The following ROBO2 variants were observed in gnomAD, a reference collection of about 807,000 sequenced individuals.
ROBO2 encodes roundabout homolog 2.
In ROBO2, 53 loss-of-function variants were observed where a neutral mutation model predicts 160.8. That is an observed-to-expected ratio of 0.33 (90% CI 0.26 to 0.41). The LOEUF (loss-of-function observed/expected upper bound fraction) is 0.41. Among genes scored for constraint, ROBO2 ranks in the 10% least tolerant of loss-of-function variants. The pLI, the probability that ROBO2 is intolerant of heterozygous loss-of-function variation, is 1.00. For missense variants in ROBO2, 1,577 were observed against 1,722.4 expected (o/e 0.92, Z 1.49); for synonymous variants, 664 against 611.7 (o/e 1.09, Z -1.26).
At chr3:77,532,715 A>G (rs972199847) in intron 6 of ROBO2, among the ~76,000 whole-genome samples, 21 of 151,870 alleles carry the variant, frequency 1.4e-4, no homozygotes, top group Admixed American at 2.6e-4. Flanking sequence ...TCTAAAATAT[A>G]TTCTAATTTT....
intron 2 of ROBO2, among the ~76,000 whole-genome samples, chr3:76,375,199 A>G (rs2076285081): frequency 6.6e-6 from 1 of 151,976 alleles, no homozygotes. Context: ...GAGTTACCTT[A>G]AATTTGGCAT....
At chr3:76,116,681 T>C (rs1224817921) in intron 2 of ROBO2, among the ~76,000 whole-genome samples, 2 of 152,160 alleles carry the variant, frequency 1.3e-5, no homozygotes, top group African/African-American at 4.8e-5. Context: ...TATGCTGGCA[T>C]TTTATCTTAA....
At chr3:77,275,028 T>C (rs1221688062) in intron 2 of ROBO2, among the ~76,000 whole-genome samples, 1 of 152,132 alleles carries the variant, frequency 6.6e-6, no homozygotes, top group Non-Finnish European at 1.5e-5. Flanking sequence ...CTAATACATC[T>C]CTTAGATTCA....
intron 2 of ROBO2, among the ~76,000 whole-genome samples, chr3:77,343,137 A>G (rs986119938): frequency 2.6e-5 from 4 of 151,938 alleles, no homozygotes; most frequent in Admixed American, 2.6e-4. Flanking sequence ...TGCTCTTATG[A>G]CCTCATTTAG....
At chr3:77,633,471 T>C (rs1469992442) in intron 23 of ROBO2, 1 of 152,178 alleles carries the variant, frequency 6.6e-6, no homozygotes, top group African/African-American at 2.4e-5. Context: ...AATTCTTAAC[T>C]ATACATATAA....
intron 6 of ROBO2, among the ~76,000 whole-genome samples, chr3:77,544,720 T>C (rs2092630300): frequency 6.6e-6 from 1 of 152,118 alleles, no homozygotes; most frequent in Non-Finnish European, 1.5e-5. Context: ...CACTCATGGT[T>C]AGAGGGCATT....
At chr3:76,010,724 G>C (rs377256016) in intron 2 of ROBO2, among the ~76,000 whole-genome samples, 4 of 152,298 alleles carry the variant, frequency 2.6e-5, no homozygotes, top group East Asian at 1.9e-4. Context: ...AGATGTTGAA[G>C]GGGGACGCTG....
At position 77,558,576 on chromosome 3, in the gene ROBO2, T is replaced by C. The variant is rs78833805; in HGVS notation, c.1437+427T>C. The stretch of plus-strand genomic sequence containing the variant: ...TAGAAGAAAAATAAAGAGATGAGAC[T>C]GAGTACATAAACGGCGAGTTTGCCT... On this transcript the variant is annotated intron_variant, in intron 9 of 25. Transcript: ENST00000461745. Among the ~76,000 whole-genome samples the C allele has an allele frequency of 1.9e-3, 296 of 152,180 alleles. 3 individuals carry two copies. The East Asian group carries it at 0.04, about 21-fold the overall frequency.
intron 2 of ROBO2, among the ~76,000 whole-genome samples, chr3:76,663,318 G>T (rs1340734312): frequency 6.6e-6 from 1 of 152,128 alleles, no homozygotes; most frequent in Admixed American, 6.5e-5. Flanking sequence ...AGTTTGTGGA[G>T]CCTGTGTAAT....
intron 23 of ROBO2, 31 bp downstream of exon 24, chr3:77,622,463 A>C (rs2094922335): frequency 1.9e-6 from 3 of 1,581,434 alleles, no homozygotes; most frequent in Admixed American, 3.4e-5. Flanking sequence ...GGAAAAACTG[A>C]CCTATTGGTA....
chr3:76,689,215 C>T (rs2092747938), intron 2 of ROBO2, among the ~76,000 whole-genome samples: 1 of 151,942 alleles, frequency 6.6e-6, no homozygotes, highest in South Asian at 2.1e-4. Flanking sequence ...TTTATTCATG[C>T]ATTTTTTATA....
intron 2 of ROBO2, among the ~76,000 whole-genome samples, chr3:77,425,461 C>T (rs1001089365): frequency 1.3e-4 from 20 of 151,990 alleles, no homozygotes; most frequent in African/African-American, 4.1e-4. Context: ...AAACTTAGAG[C>T]CAAGGTGAAA....
chr3:76,503,794 G>A (rs544774970), intron 2 of ROBO2, among the ~76,000 whole-genome samples: 50 of 152,294 alleles, frequency 3.3e-4, no homozygotes, highest in African/African-American at 9.9e-4. Context: ...TGGATGGTGG[G>A]AGGTGAGGTT....
Position 76,601,492 on chromosome 3 carries a change from GT to G in ROBO2, c.110-496521del, listed in dbSNP as rs549533097. 3.3e-3 allele frequency among the ~76,000 whole-genome samples: 502 copies of G among 152,280 alleles called. 5 individuals carry two copies. The highest frequency in any genetic ancestry group is 6.3e-3 in the Admixed American group (97 of 15,300). On this transcript the variant is annotated intron_variant, in intron 2 of 26. Coordinates refer to the ROBO2 transcript ENST00000487694. ...TCCCAAATCTCAATTCTTGACTTCT[GT>G]GCACCCGCAGGCTCAACACCACATG...
chr3:76,880,383 A>C (rs902809330), intron 2 of ROBO2, among the ~76,000 whole-genome samples: 2 of 152,184 alleles, frequency 1.3e-5, no homozygotes, highest in African/African-American at 4.8e-5. Context: ...GATGATCAGC[A>C]CAAATAAAGA....
At chr3:77,490,066 C>CTGGA (rs1322259137) in intron 4 of ROBO2, among the ~76,000 whole-genome samples, 1 of 149,460 alleles carries the variant, frequency 6.7e-6, no homozygotes, top group African/African-American at 2.5e-5. Context: ...CCGTCTTGTT[C>CTGGA]CGGACTTCAA....
intron 20 of ROBO2, among the ~76,000 whole-genome samples, chr3:77,606,713 G>A (rs2094532818): frequency 6.6e-6 from 1 of 152,168 alleles, no homozygotes; most frequent in African/African-American, 2.4e-5. Context: ...AGAAGTAAGG[G>A]GAATAGTAGG....
intron 4 of ROBO2, 64 bp downstream of exon 4, chr3:77,481,283 A>T: frequency 7.4e-7 from 1 of 1,359,744 alleles, no homozygotes; most frequent in Non-Finnish European, 9.7e-7. Context: ...TTTAAGTATT[A>T]CTAACATTAA....
At chr3:77,637,426 T>C (rs1430268660) in intron 24 of ROBO2, among the ~76,000 whole-genome samples, 1 of 152,220 alleles carries the variant, frequency 6.6e-6, no homozygotes, top group Non-Finnish European at 1.5e-5. Flanking sequence ...CCGGTTTACT[T>C]ATCTTTCCTG....
Sources: gnomAD v4.1 joint callset for allele counts (sites outside exome capture counted in the v4.1 genomes callset) on GRCh38, gnomAD v4.1.1 for gene constraint, MANE v1.5 for transcripts, NCBI Gene and HGNC (gene_info 2026-07-23, HGNC 2026-07-21) for gene names.